Variants in IGF2BP2 observed in about 807,000 individuals in gnomAD.
The protein encoded by IGF2BP2 is insulin like growth factor 2 mRNA binding protein 2.
Under a neutral mutation model 75.8 loss-of-function variants are expected in IGF2BP2, and 17 were observed. The ratio of observed to expected loss-of-function variants is 0.22; its 90% CI spans 0.15 to 0.34. The LOEUF (loss-of-function observed/expected upper bound fraction) is 0.34, where lower values mean the gene tolerates loss of function less well. Among genes scored for constraint, IGF2BP2 ranks in the 10% least tolerant of loss-of-function variants. The probability of loss-of-function intolerance (pLI) is 1.00; values close to 1 mark genes in which losing one functional copy is unlikely to be tolerated. For missense variants in IGF2BP2, 516 were observed against 772.4 expected (o/e 0.67, Z 3.93); for synonymous variants, 288 against 295.6 (o/e 0.97, Z 0.26).
At chr3:185,788,282 G>A (rs1186985641) in intron 2 of IGF2BP2, among the ~76,000 whole-genome samples, 1 of 152,162 alleles carries the variant, frequency 6.6e-6, no homozygotes. Flanking sequence ...CACTTTGGGA[G>A]GCCGAGGTGG....
At chr3:185,720,632 G>A (rs755619307) in intron 2 of IGF2BP2, among the ~76,000 whole-genome samples, 1 of 152,138 alleles carries the variant, frequency 6.6e-6, no homozygotes, top group Non-Finnish European at 1.5e-5. Flanking sequence ...GATATCTAAG[G>A]ACACTGACAG....
chr3:185,740,336 G>A (rs966269768), intron 2 of IGF2BP2, among the ~76,000 whole-genome samples: 36 of 152,192 alleles, frequency 2.4e-4, no homozygotes, highest in Non-Finnish European at 1.3e-4. Context: ...CCTACTATGT[G>A]CCAAGCACTG....
chr3:185,650,468 G>A (rs1311533408), intron 13 of IGF2BP2, among the ~76,000 whole-genome samples: 1 of 152,102 alleles, frequency 6.6e-6, no homozygotes, highest in Non-Finnish European at 1.5e-5. Context: ...TTTGAGGCCA[G>A]GAGTTCAAGA....
At chr3:185,659,522 C>T (rs1399235674) in intron 10 of IGF2BP2, among the ~76,000 whole-genome samples, 3 of 150,088 alleles carry the variant, frequency 2.0e-5, no homozygotes, top group Admixed American at 6.6e-5. Context: ...TTACAGGCAC[C>T]CCCCACCACG....
intron 2 of IGF2BP2, among the ~76,000 whole-genome samples, chr3:185,743,352 T>C (rs1307994016): frequency 1.3e-5 from 2 of 152,162 alleles, no homozygotes; most frequent in African/African-American, 2.4e-5. Flanking sequence ...TTTGGCTCAC[T>C]GCAACCTCCA....
At chr3:185,718,020 T>A (rs1235011888) in intron 2 of IGF2BP2, 1 of 152,238 alleles carries the variant, frequency 6.6e-6, no homozygotes, top group Admixed American at 6.5e-5. Flanking sequence ...GAACATCAAA[T>A]ATTCAGGCTG....
At chr3:185,701,730 G>A (rs1470392323) in intron 2 of IGF2BP2, among the ~76,000 whole-genome samples, 4 of 152,288 alleles carry the variant, frequency 2.6e-5, no homozygotes, top group Admixed American at 6.5e-5. Flanking sequence ...CTGGACTGTC[G>A]CACCTCTGAT....
intron 2 of IGF2BP2, among the ~76,000 whole-genome samples, chr3:185,767,138 C>T (rs905235578): frequency 3.3e-5 from 5 of 152,326 alleles, no homozygotes; most frequent in Middle Eastern, 3.4e-3. Context: ...TCGATGGTGG[C>T]ATAGGCAACA....
rs139317472 is a variant in IGF2BP2, at chr3:185,662,359, T to A, written c.1201-3950A>T. On this transcript the variant is annotated intron_variant, in intron 10 of 15. Transcript: ENST00000382199. ...CAGGCATGGTGGTGCACATCTGTAG[T>A]TCCAGCTACTTGGGAGGCTGAGGCA... Among the ~76,000 whole-genome samples the A allele has an allele frequency of 3.6e-3, 554 of 151,820 alleles. 2 individuals carry two copies. Among genetic ancestry groups the A allele is most frequent in the African/African-American group, 0.013 (519 of 41,486 alleles).
chr3:185,659,179 A>G lies in IGF2BP2; in HGVS notation c.1201-770T>C, dbSNP rs945037973. ...GGCTGCAGTGAGCTATGATTGCACC[A>G]CTGCACTGGTGCTATGCCTGGGCGA... On this transcript the variant is annotated intron_variant, in intron 10 of 15. Transcript: ENST00000382199. Among the ~76,000 whole-genome samples the G allele has an allele frequency of 4.6e-5, 7 of 152,222 alleles. 1 individual carries two copies. The highest frequency in any genetic ancestry group is 1.7e-4 in the African/African-American group (7 of 41,544).
intron 2 of IGF2BP2, among the ~76,000 whole-genome samples, chr3:185,701,934 T>C (rs1036030272): frequency 6.6e-6 from 1 of 152,154 alleles, no homozygotes; most frequent in African/African-American, 2.4e-5. Flanking sequence ...GTATGCCTTC[T>C]CATCAGGGTA....
At chr3:185,653,491 C>A (rs925064720) in intron 12 of IGF2BP2, among the ~76,000 whole-genome samples, 3 of 151,856 alleles carry the variant, frequency 2.0e-5, no homozygotes, top group Non-Finnish European at 4.4e-5. Flanking sequence ...AGTGGTGGCG[C>A]GTGCCTGCAG....
chr3:185,644,392 C>T lies in IGF2BP2; in HGVS notation c.*1139G>A, dbSNP rs886172502. On this transcript the variant is annotated 3_prime_UTR_variant, in exon 16 of 16. Transcript: ENST00000382199. ...CACCAAAATGCAAAAAGACAAAATA[C>T]ATTCTTTCATTGTGGAATTTTTTCT... is the stretch of plus-strand genomic sequence containing the variant. 1.3e-5 allele frequency: 2 copies of T among 152,336 alleles called. No homozygotes were observed. Among genetic ancestry groups the T allele is most frequent in the East Asian group, 1.9e-4 (1 of 5,172 alleles). 9.4% of individuals were successfully genotyped at this position (152,336 alleles called of 1,614,324 possible). A position where few individuals can be genotyped will look rare whatever the true frequency, so the allele number is the denominator to read the frequency against.
At chr3:185,660,416 A>C (rs1716233181) in intron 10 of IGF2BP2, among the ~76,000 whole-genome samples, 1 of 152,188 alleles carries the variant, frequency 6.6e-6, no homozygotes, top group Non-Finnish European at 1.5e-5. Flanking sequence ...CTTATGACCC[A>C]TTAGGGACAA....
chr3:185,755,866 TGTGA>T lies in IGF2BP2; in HGVS notation c.240-57523_240-57520del, dbSNP rs1446870465. On this transcript the variant is annotated intron_variant, in intron 2 of 15. Coordinates refer to ENST00000382199, the MANE Select transcript of IGF2BP2 (RefSeq NM_006548.6). ...GGTTCAGAGGCAGAAGGAAATCGGCTGTGAGTCTCAGATGAGATTTCGGACTTTG... is the reference window on the plus strand; with the variant it reads ...GGTTCAGAGGCAGAAGGAAATCGGCTGTCTCAGATGAGATTTCGGACTTTG... Among the ~76,000 whole-genome samples the T allele has an allele frequency of 3.3e-5, 5 of 152,362 alleles. No homozygotes were observed. In the East Asian group the frequency reaches 7.7e-4, roughly 24 times the overall value.
chr3:185,652,808 A>G (rs1235576848), intron 12 of IGF2BP2, among the ~76,000 whole-genome samples: 1 of 152,096 alleles, frequency 6.6e-6, no homozygotes, highest in Admixed American at 6.5e-5. Context: ...TGTGAAACAT[A>G]GGGGCTGGGC....
intron 2 of IGF2BP2, among the ~76,000 whole-genome samples, chr3:185,764,289 G>C (rs1019395416): frequency 6.6e-6 from 1 of 152,106 alleles, no homozygotes; most frequent in Non-Finnish European, 1.5e-5. Context: ...AGTCATGAAA[G>C]ATTTTTTAAG....
intron 2 of IGF2BP2, 70 bp from the exon 3 acceptor site, chr3:185,698,417 G>C: frequency 1.4e-6 from 2 of 1,387,412 alleles, no homozygotes; most frequent in Non-Finnish European, 2.0e-6. Flanking sequence ...ATAAAAACCG[G>C]CTTAAACCCG....
intron 2 of IGF2BP2, among the ~76,000 whole-genome samples, chr3:185,814,583 T>C (rs1740352723): frequency 6.6e-6 from 1 of 152,214 alleles, no homozygotes; most frequent in Non-Finnish European, 1.5e-5. Flanking sequence ...AAAAATGTCT[T>C]TCCTGGTAAT....
Sources: gnomAD v4.1 joint callset for allele counts (sites outside exome capture counted in the v4.1 genomes callset) on GRCh38, gnomAD v4.1.1 for gene constraint, MANE v1.5 for transcripts, NCBI Gene and HGNC (gene_info 2026-07-23, HGNC 2026-07-21) for gene names.